LINGO2: variants seen among roughly 807,000 people sequenced by gnomAD.
The protein encoded by LINGO2 is leucine-rich repeat and immunoglobulin-like domain-containing nogo receptor-interacting protein 2.
A neutral mutation model predicts 30.6 loss-of-function variants in LINGO2; 14 were observed. The ratio of observed to expected loss-of-function variants is 0.46; its 90% CI spans 0.30 to 0.72. The LOEUF is 0.72. Ranked by LOEUF, LINGO2 falls within the 30% of genes least tolerant of loss-of-function variation. The pLI, the probability that LINGO2 is intolerant of heterozygous loss-of-function variation, is 0.07. For missense variants in LINGO2, 729 were observed against 751.7 expected (o/e 0.97, Z 0.35); for synonymous variants, 317 against 288.5 (o/e 1.10, Z -1.00).
At chr9:28,795,061 C>A in the LINGO2 span, among the ~76,000 whole-genome samples, 1 of 152,084 alleles carries the variant, frequency 6.6e-6, no homozygotes, top group South Asian at 2.1e-4. Context: ...GATCTCCTGA[C>A]CTCAGGTGAT....
the LINGO2 span, among the ~76,000 whole-genome samples, chr9:28,867,098 A>G: frequency 2.0e-5 from 3 of 152,146 alleles, no homozygotes; most frequent in Non-Finnish European, 4.4e-5. Flanking sequence ...ACAGCTGCAG[A>G]ACTGACAGAG....
Position 28,668,964 on chromosome 9 carries a change from T to C in LINGO2, c.-365+1236A>G, listed in dbSNP as rs1252945605. 2.0e-5 allele frequency among the ~76,000 whole-genome samples: 3 copies of C among 152,132 alleles called. No individual in the cohort carries two copies. In the East Asian group the frequency reaches 5.8e-4, roughly 29 times the overall value. ...TTGAAATTATGAACCATATGCCTCA[T>C]GGTGCAATTCACAATTTAAATTTTA... On this transcript the variant is annotated intron_variant, in intron 1 of 5. Transcript: ENST00000379992.
Position 28,296,394 on chromosome 9 carries a change from G to A in LINGO2, c.-245-1028C>T, listed in dbSNP as rs565829074. ...ATTTATTACTATTATTTTCTACGTA[G>A]TGCACAGAAAGGGCTTAGAGGTTAT... is the stretch of plus-strand genomic sequence containing the variant. On this transcript the variant is annotated intron_variant, in intron 3 of 5. Coordinates refer to ENST00000379992, the Ensembl canonical transcript of LINGO2. Among the ~76,000 whole-genome samples, 9 of 152,220 alleles carry A rather than the reference G, an allele frequency of 5.9e-5. No individual in the cohort carries two copies. The South Asian group carries it at 1.7e-3, about 28-fold the overall frequency.
rs140609127 is a variant in LINGO2 at position 28,552,432 on chromosome 9, C to A, written c.-364-76407G>T. On this transcript the variant is annotated intron_variant, in intron 1 of 5. Coordinates refer to ENST00000379992, the Ensembl canonical transcript of LINGO2. ...AACTCATACTGTCTCATCAGAATCA[C>A]GAACACTTGGTCTTATTGTTTACTA... Among the ~76,000 whole-genome samples the A allele has an allele frequency of 2.8e-3, 423 of 152,104 alleles. 4 individuals carry two copies. The highest frequency in any genetic ancestry group is 9.6e-3 in the African/African-American group (399 of 41,536).
chr9:28,252,088 T>G (rs7038123), intron 4 of LINGO2, among the ~76,000 whole-genome samples: 42,292 of 152,100 alleles, frequency 0.28, 5,992 homozygotes, highest in East Asian at 0.39. Flanking sequence ...TTATAGATAT[T>G]GATAATTTTC....
chr9:28,270,467 A>G (rs1822901426), intron 4 of LINGO2, among the ~76,000 whole-genome samples: 1 of 152,148 alleles, frequency 6.6e-6, no homozygotes, highest in African/African-American at 2.4e-5. Context: ...ACCTCCCTAA[A>G]GTATGCATAT....
chr9:28,122,616 T>C (rs1333323784), intron 4 of LINGO2, among the ~76,000 whole-genome samples: 1 of 152,192 alleles, frequency 6.6e-6, no homozygotes, highest in East Asian at 1.9e-4. Flanking sequence ...GGTTTCAGTA[T>C]GAAAGTTGTA....
At position 27,949,309 on chromosome 9, in the gene LINGO2, T is replaced by A; in HGVS notation, c.1363A>T (p.Lys455Ter). ...AACACGGTGGCTCTTCCATTGGACT[T>A]GGTGGTGATGAAACGCCTTCGGGGT... The change falls in exon 6 of 6, where the codon AAG becomes TAG. Residue 455 changes from lysine (K) to a stop codon, truncating the protein, a stop_gained. Coordinates refer to ENST00000379992, the Ensembl canonical transcript of LINGO2. LOFTEE classifies it high-confidence loss of function. 1 of 1,614,106 alleles carries A rather than the reference T, an allele frequency of 6.2e-7. No individual in the cohort carries two copies. Among genetic ancestry groups the A allele is most frequent in the Non-Finnish European group, 8.5e-7 (1 of 1,179,996 alleles).
intron 4 of LINGO2, among the ~76,000 whole-genome samples, chr9:28,257,146 A>G (rs372198579): frequency 6.6e-6 from 1 of 151,284 alleles, no homozygotes; most frequent in Non-Finnish European, 1.5e-5. Flanking sequence ...GGAAATATTT[A>G]TGTTATTATC....
At chr9:29,141,374 C>T in the LINGO2 span, among the ~76,000 whole-genome samples, 14 of 151,354 alleles carry the variant, frequency 9.2e-5, no homozygotes, top group Non-Finnish European at 1.5e-4. Flanking sequence ...AGATGTTTTA[C>T]GAAGCCTAAT....
intron 1 of LINGO2, among the ~76,000 whole-genome samples, chr9:28,486,365 A>G (rs1587738971): frequency 2.0e-5 from 3 of 152,180 alleles, no homozygotes; most frequent in Admixed American, 6.6e-5. Flanking sequence ...AATGACTGAT[A>G]GAAAGTAATA....
chr9:29,180,469 C>T, the LINGO2 span, among the ~76,000 whole-genome samples: 1 of 152,088 alleles, frequency 6.6e-6, no homozygotes, highest in Non-Finnish European at 1.5e-5. Context: ...GTCCAGAAAC[C>T]AATAATTCTA....
At chr9:29,001,646 T>C in the LINGO2 span, among the ~76,000 whole-genome samples, 1 of 152,010 alleles carries the variant, frequency 6.6e-6, no homozygotes, top group Non-Finnish European at 1.5e-5. Context: ...GCAAAAGTAA[T>C]TGCAGCTTTT....
At chr9:28,595,022 C>A (rs1267772991) in intron 1 of LINGO2, among the ~76,000 whole-genome samples, 1 of 152,064 alleles carries the variant, frequency 6.6e-6, no homozygotes, top group Non-Finnish European at 1.5e-5. Flanking sequence ...CATTACCTGA[C>A]AATCTGCTTA....
At chr9:29,027,992 A>G in the LINGO2 span, among the ~76,000 whole-genome samples, 1,011 of 152,268 alleles carry the variant, frequency 6.6e-3, 15 homozygotes, top group African/African-American at 0.023. Flanking sequence ...AGTAGGTGAT[A>G]CCAAACTTTC....
At chr9:28,071,385 C>G (rs1175323765) in intron 4 of LINGO2, among the ~76,000 whole-genome samples, 1 of 152,010 alleles carries the variant, frequency 6.6e-6, no homozygotes, top group Non-Finnish European at 1.5e-5. Flanking sequence ...TGCAACAACA[C>G]AATCTTTATA....
the LINGO2 span, among the ~76,000 whole-genome samples, chr9:28,684,785 C>G: frequency 5.3e-5 from 8 of 152,124 alleles, no homozygotes; most frequent in African/African-American, 1.7e-4. Flanking sequence ...TCCCAAAGTG[C>G]TGGGATTAAA....
At chr9:28,775,003 G>A in the LINGO2 span, among the ~76,000 whole-genome samples, 1 of 151,558 alleles carries the variant, frequency 6.6e-6, no homozygotes, top group Non-Finnish European at 1.5e-5. Context: ...TTTTTAGTAT[G>A]CCTGGCAATA....
At chr9:28,288,793 A>G (rs562960942) in intron 4 of LINGO2, among the ~76,000 whole-genome samples, 1 of 152,304 alleles carries the variant, frequency 6.6e-6, no homozygotes, top group African/African-American at 2.4e-5. Flanking sequence ...GAAGAGTTAC[A>G]TAGGTGAGAA....
Sources: allele counts gnomAD v4.1 joint callset (sites outside exome capture counted in the v4.1 genomes callset), GRCh38; gene constraint gnomAD v4.1.1; transcripts MANE v1.5; gene names NCBI Gene and HGNC (gene_info 2026-07-23, HGNC 2026-07-21).